Variants in CTNND2 observed in about 807,000 individuals in gnomAD.
The protein encoded by CTNND2 is catenin delta 2.
In CTNND2, 22 loss-of-function variants were observed where a neutral mutation model predicts 144.4. The ratio of observed to expected loss-of-function variants is 0.15; its 90% CI spans 0.11 to 0.22. The LOEUF is 0.22. CTNND2 is among the 10% of genes least tolerant of loss of function. CTNND2 has a pLI of 1.00. For synonymous variants in CTNND2, 751 were observed against 695.6 expected (o/e 1.08, Z -1.25); for missense variants, 1,353 against 1,618.8 (o/e 0.84, Z 2.82).
intron 3 of CTNND2, among the ~76,000 whole-genome samples, chr5:11,473,437 T>C (rs1293961181): frequency 6.6e-6 from 1 of 152,136 alleles, no homozygotes; most frequent in Non-Finnish European, 1.5e-5. Flanking sequence ...GGGCAACCAG[T>C]TGGCTGAGAA....
chr5:11,800,167 A>G (rs940658164), intron 1 of CTNND2, among the ~76,000 whole-genome samples: 6 of 152,214 alleles, frequency 3.9e-5, no homozygotes, highest in Admixed American at 2.0e-4. Flanking sequence ...ATAAGTGTTG[A>G]GAAAATATTT....
At chr5:11,688,939 A>C (rs1784777761) in intron 2 of CTNND2, among the ~76,000 whole-genome samples, 1 of 152,220 alleles carries the variant, frequency 6.6e-6, no homozygotes, top group African/African-American at 2.4e-5. Flanking sequence ...TGCCCTTTTG[A>C]TGAATGACAC....
chr5:11,460,673 T>C (rs1182960736), intron 3 of CTNND2, among the ~76,000 whole-genome samples: 2 of 152,104 alleles, frequency 1.3e-5, no homozygotes, highest in Non-Finnish European at 2.9e-5. Context: ...CCCTACTACT[T>C]TGCCTCAGAT....
In CTNND2 at chr5:11,903,832, C is replaced by T. The variant is rs1171054649; in HGVS notation, c.22G>A (p.Gly8Ser). Residue 8 changes from glycine to serine, a missense_variant, in exon 1 of 22, where the codon GGC (glycine) becomes AGC (serine). Around this residue, in one of 4 missense-constraint regions of CTNND2, gnomAD observed 708 missense variants for 706.4 expected, o/e 1.00. Coordinates refer to ENST00000304623, the MANE Select transcript of CTNND2 (RefSeq NM_001332.4). The surrounding 1 kb of genome is among the most constrained non-coding windows in gnomAD (Gnocchi z 5.4). Reference sequence around the variant, plus strand: ...CGCAACTCACCCAAAGGCGCGGCGCCCGGCGGCTTCCTCGCAAACATGCAC... The same window carrying T: ...CGCAACTCACCCAAAGGCGCGGCGCTCGGCGGCTTCCTCGCAAACATGCAC... MFARKPP[G>S]AAPLGAMPVP... The T allele has an allele frequency of 2.0e-6, 3 of 1,482,870 alleles. No homozygotes were observed. Among genetic ancestry groups the T allele is most frequent in the South Asian group, 1.3e-5 (1 of 79,102 alleles). 91.9% of individuals were successfully genotyped at this position (1,482,870 alleles called of 1,614,324 possible). A position where few individuals can be genotyped will look rare whatever the true frequency, so the allele number is the denominator to read the frequency against.
intron 9 of CTNND2, among the ~76,000 whole-genome samples, chr5:11,318,769 C>T (rs1037176805): frequency 7.2e-5 from 11 of 152,074 alleles, no homozygotes; most frequent in African/African-American, 2.7e-4. Flanking sequence ...TATCCTTCTT[C>T]GGTGGCATTC....
At chr5:11,601,043 T>A (rs77210154) in intron 2 of CTNND2, among the ~76,000 whole-genome samples, 2,252 of 152,262 alleles carry the variant, frequency 0.015, 60 homozygotes, top group African/African-American at 0.048. Context: ...TTATACATGA[T>A]ACTCTATTTT....
intron 2 of CTNND2, among the ~76,000 whole-genome samples, chr5:11,699,070 G>C (rs187646162): frequency 6.2e-4 from 94 of 151,220 alleles, no homozygotes; most frequent in African/African-American, 2.1e-3. Context: ...CACATAGTTA[G>C]ATTTAATCTA....
At chr5:11,102,950 G>T (rs1481904628) in intron 14 of CTNND2, among the ~76,000 whole-genome samples, 7 of 148,414 alleles carry the variant, frequency 4.7e-5, no homozygotes, top group African/African-American at 1.7e-4. Flanking sequence ...TCCATGCAGG[G>T]CTTAAATTCT....
intron 10 of CTNND2, among the ~76,000 whole-genome samples, chr5:11,210,081 G>C (rs999849033): frequency 4.6e-5 from 7 of 152,150 alleles, no homozygotes; most frequent in African/African-American, 1.7e-4. Flanking sequence ...GATAGAGTGT[G>C]ACACTGGGTA....
At chr5:11,301,546 T>C (rs1749610952) in intron 9 of CTNND2, among the ~76,000 whole-genome samples, 1 of 152,182 alleles carries the variant, frequency 6.6e-6, no homozygotes, top group African/African-American at 2.4e-5. Flanking sequence ...CTTTACAATC[T>C]TTCTTGTTGT....
chr5:11,752,723 G>C (rs1462152823), intron 1 of CTNND2, among the ~76,000 whole-genome samples: 4 of 151,760 alleles, frequency 2.6e-5, no homozygotes, highest in African/African-American at 4.8e-5. Context: ...TTTCTGTGCA[G>C]AATGTCATTG....
Position 11,422,915 on chromosome 5 carries a change from C to T in CTNND2, c.288-10846G>A, listed in dbSNP as rs561115047. ...TGCATTATAAAGTAGAAAATTCTCA[C>T]ACCGTAGCTCCTTCTATAGTATTCC... On this transcript the variant is annotated intron_variant, in intron 3 of 21. Transcript: ENST00000304623. Among the ~76,000 whole-genome samples the T allele has an allele frequency of 5.3e-5, 8 of 152,318 alleles. No homozygotes were observed. In the South Asian group the frequency reaches 1.7e-3, roughly 32 times the overall value.
chr5:11,567,933 T>C (rs1777252338), intron 2 of CTNND2, among the ~76,000 whole-genome samples: 1 of 152,206 alleles, frequency 6.6e-6, no homozygotes, highest in Admixed American at 6.5e-5. Flanking sequence ...TCAGCTCTTT[T>C]ATGAAGCACA....
At chr5:11,672,323 T>C (rs146611177) in intron 2 of CTNND2, among the ~76,000 whole-genome samples, 1,803 of 152,322 alleles carry the variant, frequency 0.012, 27 homozygotes, top group African/African-American at 0.042. Context: ...CTGGGAGAAC[T>C]GCTGCTCTCT....
intron 2 of CTNND2, among the ~76,000 whole-genome samples, chr5:11,624,374 G>A (rs1159878409): frequency 2.0e-5 from 3 of 152,066 alleles, no homozygotes; most frequent in Non-Finnish European, 4.4e-5. Context: ...AGAAGAAAGA[G>A]GAACATGTGA....
Position 11,458,677 on chromosome 5 carries a change from G to A in CTNND2, c.288-46608C>T, listed in dbSNP as rs570627657. ...ATAGTTGCACCCTATTGGTCCTTCA[G>A]TTCTACTTCCCTCTTGGAGATTCAT... On this transcript the variant is annotated intron_variant, in intron 3 of 21. Coordinates refer to ENST00000304623, the MANE Select transcript of CTNND2 (RefSeq NM_001332.4). Among the ~76,000 whole-genome samples, 53 of 152,340 alleles carry A rather than the reference G, an allele frequency of 3.5e-4. No individual in the cohort carries two copies. In the South Asian group the frequency reaches 8.7e-3, roughly 25 times the overall value.
chr5:11,903,736 A>AC lies in CTNND2; in HGVS notation c.37+80dup, dbSNP rs1307820742. ...GCCTGCCGGCCGGGAGCCCAGGACCACCCCCACCAGCGGCAAGAGGAGGAG... is the reference window on the plus strand; with the variant it reads ...GCCTGCCGGCCGGGAGCCCAGGACCACCCCCCACCAGCGGCAAGAGGAGGAG... On this transcript the variant is annotated intron_variant, in intron 1 of 21. Coordinates refer to ENST00000304623, the MANE Select transcript of CTNND2 (RefSeq NM_001332.4). The surrounding 1 kb of genome is among the most constrained non-coding windows in gnomAD (Gnocchi z 5.4). 2.9e-6 allele frequency: 4 copies of AC among 1,382,592 alleles called. No individual in the cohort carries two copies. Among genetic ancestry groups the AC allele is most frequent in the East Asian group, 3.1e-5 (1 of 32,026 alleles). The allele number at this position is 1,382,592 out of a possible 1,614,324, so 85.6% of individuals were successfully genotyped here. A position where few individuals can be genotyped will look rare whatever the true frequency, so the allele number is the denominator to read the frequency against.
At chr5:11,510,733 C>CCT (rs1771555027) in intron 3 of CTNND2, among the ~76,000 whole-genome samples, 1 of 152,168 alleles carries the variant, frequency 6.6e-6, no homozygotes, top group African/African-American at 2.4e-5. Context: ...GTGTTCAAGA[C>CCT]CAGCCTGGCC....
intron 2 of CTNND2, among the ~76,000 whole-genome samples, chr5:11,706,275 C>CT (rs1561713333): frequency 2.0e-5 from 3 of 152,268 alleles, no homozygotes; most frequent in Non-Finnish European, 2.9e-5. Context: ...TAAAAGTGTG[C>CT]TTTTTTAGGC....
Sources: gnomAD v4.1 joint callset for allele counts (sites outside exome capture counted in the v4.1 genomes callset) on GRCh38, gnomAD v4.1.1 for gene constraint, gnomAD v4.1.1 regional missense constraint, Gnocchi (gnomAD v3.1) non-coding constraint, MANE v1.5 for transcripts, NCBI Gene and HGNC (gene_info 2026-07-23, HGNC 2026-07-21) for gene names.